Variants in ANO2 observed in about 807,000 individuals in gnomAD.
ANO2 encodes the protein anoctamin 2, also known as anoctamin-2.
A neutral mutation model predicts 124.2 loss-of-function variants in ANO2; 101 were observed. The ratio of observed to expected loss-of-function variants is 0.81; its 90% confidence interval spans 0.69 to 0.96. ANO2 has a LOEUF of 0.96. Among genes scored for constraint, ANO2 ranks in the 40% least tolerant of loss-of-function variants. The pLI is 0.00. For synonymous variants in ANO2, 486 were observed against 482.5 expected (o/e 1.01, Z -0.09); for missense variants, 1,293 against 1,274.5 (o/e 1.01, Z -0.22).
At chr12:5,731,930 T>C (rs1950656117) in intron 14 of ANO2, among the ~76,000 whole-genome samples, 1 of 152,214 alleles carries the variant, frequency 6.6e-6, no homozygotes, top group Admixed American at 6.5e-5. Flanking sequence ...TCCTTTGATT[T>C]TCCCATTGCA....
At chr12:5,698,426 C>T (rs61908147) in intron 14 of ANO2, among the ~76,000 whole-genome samples, 18,160 of 152,192 alleles carry the variant, frequency 0.12, 1,192 homozygotes, top group East Asian at 0.21. Flanking sequence ...AAAGGACATC[C>T]ACACCAAAAC....
intron 3 of ANO2, among the ~76,000 whole-genome samples, chr12:5,861,195 T>G (rs1171718721): frequency 6.6e-6 from 1 of 152,098 alleles, no homozygotes; most frequent in Non-Finnish European, 1.5e-5. Context: ...TACAGCTAAT[T>G]ACAAGCAGAT....
intron 7 of ANO2, among the ~76,000 whole-genome samples, chr12:5,826,844 T>A (rs1306556955): frequency 6.6e-6 from 1 of 152,140 alleles, no homozygotes; most frequent in Non-Finnish European, 1.5e-5. Flanking sequence ...CTGAGCCTGA[T>A]CACCTCCTCT....
chr12:5,639,332 A>G (rs1378362317), intron 15 of ANO2, among the ~76,000 whole-genome samples: 1 of 152,188 alleles, frequency 6.6e-6, no homozygotes, highest in Non-Finnish European at 1.5e-5. Context: ...TTACCCATTC[A>G]GTCATTCATA....
At chr12:5,693,213 G>A (rs977288116) in intron 14 of ANO2, among the ~76,000 whole-genome samples, 11 of 152,084 alleles carry the variant, frequency 7.2e-5, no homozygotes, top group East Asian at 1.9e-4. Flanking sequence ...AATGTTGCAC[G>A]TTTCTACATG....
chr12:5,719,313 T>G (rs1460812971), intron 14 of ANO2, among the ~76,000 whole-genome samples: 1 of 152,072 alleles, frequency 6.6e-6, no homozygotes, highest in East Asian at 1.9e-4. Flanking sequence ...ACTCACACAC[T>G]CACACACTCA....
chr12:5,780,353 C>T (rs550184055), intron 10 of ANO2, among the ~76,000 whole-genome samples: 1 of 152,160 alleles, frequency 6.6e-6, no homozygotes, highest in African/African-American at 2.4e-5. Flanking sequence ...TTTGCACCAA[C>T]CTAACACATC....
At chr12:5,725,060 C>T (rs971943640) in intron 14 of ANO2, among the ~76,000 whole-genome samples, 4 of 151,522 alleles carry the variant, frequency 2.6e-5, no homozygotes, top group African/African-American at 7.3e-5. Context: ...TCCAATGACA[C>T]CATCACTCAG....
At chr12:5,734,688 C>T (rs907948899) in intron 13 of ANO2, among the ~76,000 whole-genome samples, 2 of 151,706 alleles carry the variant, frequency 1.3e-5, no homozygotes, top group African/African-American at 4.8e-5. Flanking sequence ...CACTCTGTCG[C>T]CCAGGCTGGA....
chr12:5,916,621 T>C (rs1380850895), intron 3 of ANO2, among the ~76,000 whole-genome samples: 2 of 151,178 alleles, frequency 1.3e-5, no homozygotes, highest in African/African-American at 4.9e-5. Context: ...AAGGTGTTAA[T>C]AATACAGGAA....
chr12:5,788,418 T>C (rs538603450), intron 10 of ANO2, among the ~76,000 whole-genome samples: 5 of 152,258 alleles, frequency 3.3e-5, no homozygotes, highest in African/African-American at 4.8e-5. Flanking sequence ...AGTAGGATGA[T>C]AAATTATCTA....
At chr12:5,644,543 A>G (rs1007294749) in intron 15 of ANO2, among the ~76,000 whole-genome samples, 1 of 152,182 alleles carries the variant, frequency 6.6e-6, no homozygotes, top group African/African-American at 2.4e-5. Context: ...TGTCCACCCA[A>G]CTTACATAGT....
chr12:5,872,755 G>A (rs1021709857), intron 3 of ANO2, among the ~76,000 whole-genome samples: 21 of 152,038 alleles, frequency 1.4e-4, no homozygotes, highest in African/African-American at 3.1e-4. Context: ...ATATGCCCAC[G>A]GTTCCGGGAG....
chr12:5,797,929 G>A (rs1455131873), intron 10 of ANO2, among the ~76,000 whole-genome samples: 4 of 152,240 alleles, frequency 2.6e-5, no homozygotes, highest in Non-Finnish European at 5.9e-5. Flanking sequence ...TTCCCCTGCA[G>A]GTGAGGCTGC....
At chr12:5,792,584 C>T (rs909555301) in intron 10 of ANO2, among the ~76,000 whole-genome samples, 1 of 152,184 alleles carries the variant, frequency 6.6e-6, no homozygotes, top group Non-Finnish European at 1.5e-5. Flanking sequence ...TCACATCACA[C>T]TGATGTTTCT....
At chr12:5,827,359 A>C (rs1463148304) in intron 7 of ANO2, among the ~76,000 whole-genome samples, 3 of 152,164 alleles carry the variant, frequency 2.0e-5, no homozygotes, top group Non-Finnish European at 4.4e-5. Context: ...CCCTCTCTGG[A>C]GGTTCGTCTC....
intron 3 of ANO2, among the ~76,000 whole-genome samples, chr12:5,886,037 T>C (rs968748448): frequency 2.6e-5 from 4 of 152,216 alleles, no homozygotes; most frequent in African/African-American, 9.7e-5. Context: ...AATAGAGTCC[T>C]GGCCTGGGAC....
intron 3 of ANO2, among the ~76,000 whole-genome samples, chr12:5,915,811 A>G (rs550940702): frequency 5.3e-5 from 8 of 152,360 alleles, no homozygotes; most frequent in Admixed American, 4.6e-4. Flanking sequence ...TTTAACACCA[A>G]CATGGCATGG....
Position 5,925,104 on chromosome 12 carries a change from C to G in ANO2, c.23-2300G>C, listed in dbSNP as rs748335471. ...TACCCCAGAGAAGACCTGGAAACCT[C>G]TAGATGCATGTCTAAAAAGCCCAAG... On this transcript the variant is annotated intron_variant, in intron 1 of 24. Transcript: ENST00000682330. The surrounding 1 kb of genome is among the most constrained non-coding windows in gnomAD (Gnocchi z 4.6). 5.9e-5 allele frequency among the ~76,000 whole-genome samples: 9 copies of G among 152,126 alleles called. No homozygotes were observed. The highest frequency in any genetic ancestry group is 8.8e-5 in the Non-Finnish European group (6 of 68,036).
Sources: gnomAD v4.1 joint callset for allele counts (sites outside exome capture counted in the v4.1 genomes callset) on GRCh38, gnomAD v4.1.1 for gene constraint, Gnocchi (gnomAD v3.1) non-coding constraint, MANE v1.5 for transcripts, NCBI Gene and HGNC (gene_info 2026-07-23, HGNC 2026-07-21) for gene names.